CREG2: variants seen among roughly 807,000 people sequenced by gnomAD.
CREG2 encodes the protein protein CREG2.
Under a neutral mutation model 26.2 loss-of-function variants are expected in CREG2, and 24 were observed. That is an observed-to-expected ratio of 0.92 (90% confidence interval 0.66 to 1.29). CREG2 has a LOEUF of 1.29. Ranked by LOEUF, CREG2 falls within the 50% of genes most tolerant of loss-of-function variation. CREG2 has a pLI of 0.00. For synonymous variants in CREG2, 174 were observed against 169.2 expected (o/e 1.03, Z -0.22); for missense variants, 366 against 398.6 (o/e 0.92, Z 0.70).
chr2:101,366,351 C>T (rs929239399), intron 2 of CREG2, among the ~76,000 whole-genome samples: 7 of 152,152 alleles, frequency 4.6e-5, no homozygotes, highest in Non-Finnish European at 7.3e-5. Flanking sequence ...TCTTTTACTC[C>T]TCAATTCAAT....
intron 2 of CREG2, among the ~76,000 whole-genome samples, chr2:101,366,075 T>C (rs890089277): frequency 6.6e-6 from 1 of 152,220 alleles, no homozygotes; most frequent in Non-Finnish European, 1.5e-5. Context: ...TTTCTTCGAA[T>C]GCCTCAGGGA....
chr2:101,376,727 T>G (rs1388805098), intron 2 of CREG2, among the ~76,000 whole-genome samples: 1 of 152,216 alleles, frequency 6.6e-6, no homozygotes, highest in Non-Finnish European at 1.5e-5. Context: ...GCCTTTTAAT[T>G]TAATAATCTC....
In CREG2 at chr2:101,347,716, A is replaced by G. The variant is rs922139707; in HGVS notation, c.*3207T>C. 4 of 152,210 alleles carry G rather than the reference A, an allele frequency of 2.6e-5. No individual in the cohort carries two copies. Among genetic ancestry groups the G allele is most frequent in the African/African-American group, 9.6e-5 (4 of 41,458 alleles). The allele number at this position is 152,210 out of a possible 1,614,324, so 9.4% of individuals were successfully genotyped here. The stretch of plus-strand genomic sequence containing the variant: ...TGACAGTTCTTTATATATTCTAGAT[A>G]CTAATCTTTTGTTGGATATGTGGTT... On this transcript the variant is annotated 3_prime_UTR_variant, in exon 4 of 4. Transcript: ENST00000324768.
chr2:101,351,540 T>A (rs1350350437), intron 3 of CREG2, among the ~76,000 whole-genome samples: 1 of 152,164 alleles, frequency 6.6e-6, no homozygotes, highest in Non-Finnish European at 1.5e-5. Context: ...CTATATGAAA[T>A]GTTAACAAAA....
chr2:101,374,758 T>A (rs1684764084), intron 2 of CREG2, among the ~76,000 whole-genome samples: 1 of 152,258 alleles, frequency 6.6e-6, no homozygotes. Context: ...CAGGCCTGCC[T>A]TTGGAATTAG....
At chr2:101,354,285 C>A (rs891630275) in intron 3 of CREG2, among the ~76,000 whole-genome samples, 6 of 152,046 alleles carry the variant, frequency 3.9e-5, no homozygotes, top group African/African-American at 9.7e-5. Flanking sequence ...AAAATAAAAA[C>A]GTTTGTGCGC....
intron 1 of CREG2, among the ~76,000 whole-genome samples, chr2:101,385,897 A>T (rs1458541893): frequency 6.6e-6 from 1 of 152,236 alleles, no homozygotes; most frequent in Non-Finnish European, 1.5e-5. Context: ...TCTCTAATAC[A>T]TTGGCACGAG....
At chr2:101,370,026 A>C (rs571690222) in intron 2 of CREG2, among the ~76,000 whole-genome samples, 6 of 152,308 alleles carry the variant, frequency 3.9e-5, no homozygotes, top group Admixed American at 2.6e-4. Context: ...CAGGGAATAC[A>C]GTGGGTAACA....
At chr2:101,366,806 A>T (rs896010992) in intron 2 of CREG2, among the ~76,000 whole-genome samples, 9 of 152,174 alleles carry the variant, frequency 5.9e-5, no homozygotes, top group African/African-American at 1.9e-4. Context: ...TGGGCGACAG[A>T]GTGAGACTCT....
chr2:101,351,127 G>C, intron 3 of CREG2, 57 bp from the exon 4 acceptor site: 1 of 1,562,870 alleles, frequency 6.4e-7, no homozygotes, highest in South Asian at 1.2e-5. Context: ...GGTGCACCCT[G>C]GGCCAAGTCA....
chr2:101,364,512 T>TTGCC (rs1684591839), intron 2 of CREG2, among the ~76,000 whole-genome samples: 1 of 151,490 alleles, frequency 6.6e-6, no homozygotes, highest in Non-Finnish European at 1.5e-5. Context: ...GAGGAGTGAG[T>TTGCC]TGCCTCGTGT....
chr2:101,362,085 C>G (rs1684549757), intron 2 of CREG2, among the ~76,000 whole-genome samples: 1 of 152,262 alleles, frequency 6.6e-6, no homozygotes, highest in African/African-American at 2.4e-5. Flanking sequence ...GTGATGGATT[C>G]AGGGACCGGC....
intron 1 of CREG2, among the ~76,000 whole-genome samples, chr2:101,386,271 C>CT (rs886885417): frequency 3.9e-5 from 6 of 152,148 alleles, no homozygotes; most frequent in African/African-American, 1.4e-4. Context: ...TATTATTTCT[C>CT]TTTTTTGTAG....
At chr2:101,355,420 G>C (rs1177578243) in intron 2 of CREG2, 54 bp from the exon 3 acceptor site, 1 of 1,130,156 alleles carries the variant, frequency 8.8e-7, no homozygotes, top group African/African-American at 1.5e-5. Context: ...ACATCAGCCA[G>C]CAATTCTAAC....
At chr2:101,355,472 A>G in intron 2 of CREG2, 106 bp from the exon 3 acceptor site, 1 of 694,506 alleles carries the variant, frequency 1.4e-6, no homozygotes, top group South Asian at 1.7e-5. Flanking sequence ...TCCTGGTTAT[A>G]TCATTCAGGT....
At chr2:101,354,706 G>A (rs2104469852) in intron 3 of CREG2, among the ~76,000 whole-genome samples, 1 of 152,248 alleles carries the variant, frequency 6.6e-6, no homozygotes, top group South Asian at 2.1e-4. Context: ...CACTTGTGTG[G>A]ACCCCTACAG....
chr2:101,352,284 A>AC (rs1174269003), intron 3 of CREG2, among the ~76,000 whole-genome samples: 1 of 152,256 alleles, frequency 6.6e-6, no homozygotes, highest in Non-Finnish European at 1.5e-5. Flanking sequence ...ATCCATTTGA[A>AC]CAAAAGTTGC....
Position 101,350,914 on chromosome 2 carries a change from C to T in CREG2, c.*9G>A, listed in dbSNP as rs1226233159. 2.0e-5 allele frequency: 32 copies of T among 1,613,584 alleles called. No homozygotes were observed. Among genetic ancestry groups the T allele is most frequent in the Non-Finnish European group, 2.5e-5 (30 of 1,179,830 alleles). On this transcript the variant is annotated 3_prime_UTR_variant, in exon 4 of 4. Transcript: ENST00000324768. ...AAGTGCAAACACCAAGGACTTTCTT[C>T]TCACTCCATCAGGCCTTTCTGGGAA...
chr2:101,378,069 C>T (rs887144477), intron 2 of CREG2, among the ~76,000 whole-genome samples: 3 of 152,166 alleles, frequency 2.0e-5, no homozygotes, highest in Admixed American at 2.0e-4. Flanking sequence ...ATCCCCAGAA[C>T]GTGTTTGTCT....
Sources: allele counts gnomAD v4.1 joint callset (sites outside exome capture counted in the v4.1 genomes callset), GRCh38; gene constraint gnomAD v4.1.1; transcripts MANE v1.5; gene names NCBI Gene and HGNC (gene_info 2026-07-23, HGNC 2026-07-21).